Variants in GALNT6 observed in about 807,000 individuals in gnomAD.
GALNT6 encodes GalNAc transferase 6.
In GALNT6, 51 loss-of-function variants were observed where a neutral mutation model predicts 65.9. The ratio of observed to expected loss-of-function variants is 0.77; its 90% confidence interval spans 0.62 to 0.98. The LOEUF (loss-of-function observed/expected upper bound fraction) is 0.98. Ranked by LOEUF, GALNT6 falls within the 50% of genes least tolerant of loss-of-function variation. The probability of loss-of-function intolerance (pLI) is 0.00; values close to 1 mark genes in which losing one functional copy is unlikely to be tolerated. For missense variants in GALNT6, 708 were observed against 803.3 expected, an observed-to-expected ratio of 0.88 and a Z score of 1.43; for synonymous variants, 323 against 315.1, an observed-to-expected ratio of 1.02 and a Z score of -0.26.
intron 2 of GALNT6, among the ~76,000 whole-genome samples, chr12:51,385,633 A>G (rs985889498): frequency 6.6e-6 from 1 of 152,054 alleles, no homozygotes; most frequent in African/African-American, 2.4e-5. Flanking sequence ...GCCCCCCTCC[A>G]AAAAGCCTTC....
intron 4 of GALNT6, among the ~76,000 whole-genome samples, chr12:51,371,386 T>C (rs535814635): frequency 1.3e-5 from 2 of 152,202 alleles, no homozygotes; most frequent in Admixed American, 6.5e-5. Flanking sequence ...CCCGGCTCCT[T>C]ACACCCACTC....
intron 11 of GALNT6, among the ~76,000 whole-genome samples, chr12:51,354,801 G>A (rs772690422): frequency 6.6e-6 from 1 of 152,132 alleles, no homozygotes; most frequent in Non-Finnish European, 1.5e-5. Flanking sequence ...AAAGACCCAG[G>A]GCCACTGCTC....
At chr12:51,361,095 C>T (rs917540592) in intron 6 of GALNT6, among the ~76,000 whole-genome samples, 3 of 152,300 alleles carry the variant, frequency 2.0e-5, no homozygotes, top group East Asian at 1.9e-4. Flanking sequence ...CTAGGATGCA[C>T]GTAACACTGG....
chr12:51,384,198 T>C (rs1947757323), intron 2 of GALNT6, among the ~76,000 whole-genome samples: 1 of 152,176 alleles, frequency 6.6e-6, no homozygotes, highest in Admixed American at 6.5e-5. Flanking sequence ...AAATCCTCTC[T>C]GAAAAGCCTG....
chr12:51,361,245 A>G (rs1946917646), intron 6 of GALNT6, among the ~76,000 whole-genome samples: 1 of 152,224 alleles, frequency 6.6e-6, no homozygotes, highest in African/African-American at 2.4e-5. Flanking sequence ...CCTAGGAGAT[A>G]CTCAACTTTC....
In GALNT6 at chr12:51,352,891, C is replaced by G. The variant is rs542136069; in HGVS notation, c.*1488G>C. 1 of 152,236 alleles carries G rather than the reference C, an allele frequency of 6.6e-6. No individual in the cohort carries two copies. Among genetic ancestry groups the G allele is most frequent in the Non-Finnish European group, 1.5e-5 (1 of 68,090 alleles). The allele number at this position is 152,236 out of a possible 1,614,324, so 9.4% of individuals were successfully genotyped here. On this transcript the variant is annotated 3_prime_UTR_variant, in exon 12 of 12. Coordinates refer to ENST00000356317, the MANE Select transcript of GALNT6 (RefSeq NM_007210.4). The stretch of plus-strand genomic sequence containing the variant: ...TTTACCATGTTGGCCAGGCTGGTCT[C>G]GAATTCCTGACCTCAGGTTATCCAC...
chr12:51,380,365 A>G (rs1445182545), intron 2 of GALNT6, among the ~76,000 whole-genome samples: 2 of 152,240 alleles, frequency 1.3e-5, no homozygotes, highest in Admixed American at 1.3e-4. Context: ...GAATGAATAA[A>G]TAAAGTGCAA....
Position 51,379,400 on chromosome 12 carries a change from G to C in GALNT6, c.382C>G (p.Leu128Val), listed in dbSNP as rs941918492. 6.2e-7 allele frequency: 1 copy of C among 1,604,714 alleles called. No individual in the cohort carries two copies. Among genetic ancestry groups the C allele is most frequent in the African/African-American group, 1.3e-5 (1 of 74,344 alleles). Reference sequence around the variant, plus strand: ...CCTTCTTCCTTTTCCTGGGTCTCCAGGGGGGTCCACTTGCTCTTCTGAAAT... The same window carrying C: ...CCTTCTTCCTTTTCCTGGGTCTCCACGGGGGTCCACTTGCTCTTCTGAAAT... ...KAFQKSKWTP[L>V]ETQEKEEGYK... The change falls in exon 3 of 12, where the codon CTG (leucine) becomes GTG (valine). Residue 128 changes from leucine (L) to valine (V), a missense_variant. Coordinates refer to ENST00000356317, the MANE Select transcript of GALNT6 (RefSeq NM_007210.4).
chr12:51,354,514 G>A lies in GALNT6; in HGVS notation c.1756-22C>T, dbSNP rs762394694. On this transcript the variant is annotated intron_variant, in intron 11 of 11. Transcript: ENST00000356317. ...GATCCTAAAAGATGACAAAGCAAAA[G>A]GTCAGTCTGGGCCACAGACCTCTTA... 13 of 1,482,428 alleles carry A rather than the reference G, an allele frequency of 8.8e-6. 1 individual carries two copies. The highest frequency in any genetic ancestry group is 1.2e-5 in the Non-Finnish European group (13 of 1,070,542). 91.8% of individuals were successfully genotyped at this position (1,482,428 alleles called of 1,614,324 possible).
rs1393553745 is a variant in GALNT6, at chr12:51,364,198, G to A, written c.972C>T (p.Asp324=). The change falls in exon 6 of 12, where the codon GAC becomes GAT. Residue 324 remains aspartate, a synonymous_variant. Transcript: ENST00000356317. ...TTTCCCAGCCGAAGGTCAGGCTCCAGTCAAAGTTGCCTCGGCTATGGACTC... is the reference window on the plus strand; with the variant it reads ...TTTCCCAGCCGAAGGTCAGGCTCCAATCAAAGTTGCCTCGGCTATGGACTC... ...RGRVHSRGNF[D]WSLTFGWETL... 2 of 1,614,196 alleles carry A rather than the reference G, an allele frequency of 1.2e-6. No individual in the cohort carries two copies. The highest frequency in any genetic ancestry group is 3.3e-5 in the Admixed American group (2 of 60,028).
At chr12:51,388,833 T>A (rs1003510143) in intron 2 of GALNT6, among the ~76,000 whole-genome samples, 5 of 152,246 alleles carry the variant, frequency 3.3e-5, no homozygotes, top group African/African-American at 1.2e-4. Context: ...ATTTTGCTAG[T>A]CTGTTCTTCA....
intron 4 of GALNT6, among the ~76,000 whole-genome samples, chr12:51,365,910 A>G (rs1399917044): frequency 6.6e-6 from 1 of 152,124 alleles, no homozygotes. Context: ...TCACGTATCA[A>G]GTACAAACTT....
In GALNT6 at chr12:51,377,174, T is replaced by A. The variant is rs200133180; in HGVS notation, c.664+21A>T. On this transcript the variant is annotated intron_variant, in intron 4 of 11. Coordinates refer to ENST00000356317, the MANE Select transcript of GALNT6 (RefSeq NM_007210.4). ...CCCAGGGGAGACCCCGGCCCCCTCC[T>A]CTGGGCCCCTCCAGCCTCACCCTCT... 6 of 1,610,172 alleles carry A rather than the reference T, an allele frequency of 3.7e-6. No individual in the cohort carries two copies. The African/African-American group carries it at 8.0e-5, about 21-fold the overall frequency.
chr12:51,371,056 TTATTATTATTATTA>T (rs1433291745), intron 4 of GALNT6, among the ~76,000 whole-genome samples: 3 of 2,464 alleles, frequency 1.2e-3, no homozygotes, highest in East Asian at 6.4e-3. Flanking sequence ...TTTTAAAAAA[TTATTATTATTATTA>T]TTATTATTAT....
chr12:51,357,374 G>A lies in GALNT6; in HGVS notation c.1577C>T (p.Ser526Phe), dbSNP rs1946779343. ...CTGGTTGCCGCCAAGGCCGTGGCAG[G>A]AGTACATGATGAGGGGCTTCCCCCC... ...NRGGKPLIMY[S>F]CHGLGGNQYF... The change falls in exon 10 of 12, where the codon TCC becomes TTC. Residue 526 changes from serine to phenylalanine, a missense_variant. By Grantham distance (155) the Ser-to-Phe change is radical (BLOSUM62 -2). Transcript: ENST00000356317. 1.2e-6 allele frequency: 2 copies of A among 1,613,546 alleles called. No individual in the cohort carries two copies. The highest frequency in any genetic ancestry group is 1.1e-5 in the South Asian group (1 of 91,058).
At chr12:51,361,051 T>G (rs1002170436) in intron 6 of GALNT6, among the ~76,000 whole-genome samples, 2 of 152,194 alleles carry the variant, frequency 1.3e-5, no homozygotes, top group African/African-American at 2.4e-5. Flanking sequence ...AATATGTAAT[T>G]ATCCTCTAAA....
rs188783152 is a variant in GALNT6, at chr12:51,388,208, A to C, written c.-104+2642T>G. ...CCTCACTGTCCTTTCTGCTTTCAAA[A>C]CCTTCATTTGAAATTGGGCCTTTAT... On this transcript the variant is annotated intron_variant, in intron 2 of 11. Coordinates refer to ENST00000356317, the MANE Select transcript of GALNT6 (RefSeq NM_007210.4). 2.7e-3 allele frequency among the ~76,000 whole-genome samples: 407 copies of C among 152,120 alleles called. 2 individuals are homozygous for C. Among genetic ancestry groups the C allele is most frequent in the African/African-American group, 8.6e-3 (355 of 41,488 alleles).
At chr12:51,360,672 C>T in intron 7 of GALNT6, 49 bp downstream of exon 7, 1 of 1,062,436 alleles carries the variant, frequency 9.4e-7, no homozygotes, top group African/African-American at 1.6e-5. Context: ...GTTTCTCAAG[C>T]TGTCGCCTGG....
intron 8 of GALNT6, 40 bp from the exon 9 acceptor site, chr12:51,358,301 GTTTTTTT>G: frequency 1.4e-6 from 2 of 1,447,344 alleles, no homozygotes; most frequent in South Asian, 2.7e-5. Flanking sequence ...AGTTCCACCA[GTTTTTTT>G]TTTTTTTTTT....
Sources: allele counts gnomAD v4.1 joint callset (sites outside exome capture counted in the v4.1 genomes callset), GRCh38; gene constraint gnomAD v4.1.1; transcripts MANE v1.5; gene names NCBI Gene and HGNC (gene_info 2026-07-23, HGNC 2026-07-21).